The following PHACTR2 variants were observed in gnomAD, a reference collection of about 807,000 sequenced individuals.
PHACTR2 encodes chromosome 6 open reading frame 56.
PHACTR2 carries 30 observed loss-of-function variants against 76.0 expected under a neutral mutation model. The ratio of observed to expected loss-of-function variants is 0.39; its 90% confidence interval spans 0.30 to 0.54. The LOEUF (loss-of-function observed/expected upper bound fraction) is 0.54, where lower values mean the gene tolerates loss of function less well. Among genes scored for constraint, PHACTR2 ranks in the 20% least tolerant of loss-of-function variants. PHACTR2 has a pLI of 0.61. For synonymous variants in PHACTR2, 292 were observed against 292.5 expected (o/e 1.00, Z 0.02); for missense variants, 696 against 781.1 (o/e 0.89, Z 1.30).
rs1023347891 is a variant in PHACTR2 at position 143,698,886 on chromosome 6, T to G, written c.47-13130T>G. On this transcript the variant is annotated intron_variant, in intron 1 of 12. Coordinates refer to ENST00000440869, the MANE Select transcript of PHACTR2 (RefSeq NM_001100164.2). The surrounding 1 kb of genome is among the most constrained non-coding windows in gnomAD (Gnocchi z 4.3). The stretch of plus-strand genomic sequence containing the variant: ...ATTATTTTTGCAGATATCTCCTTCC[T>G]CCTCTCCCTTGGATTGTCCGAACCC... 6.6e-6 allele frequency among the ~76,000 whole-genome samples: 1 copy of G among 152,194 alleles called. No individual in the cohort carries two copies. Among genetic ancestry groups the G allele is most frequent in the Non-Finnish European group, 1.5e-5 (1 of 68,038 alleles).
At chr6:143,607,703 T>C (rs1032661485), upstream of PHACTR2, among the ~76,000 whole-genome samples, 10 of 152,192 alleles carry the variant, frequency 6.6e-5, no homozygotes, top group Admixed American at 3.3e-4. Context: ...AACAGAGATA[T>C]TAAAGATAGT....
rs1004781678 is a variant in PHACTR2, at chr6:143,793,725, A to G, written c.1845+4815A>G. ...AGCTCAGGAGTTTGAGACCAGCCTG[A>G]GCAATGTGGTGAAACTCTGCCTCTA... is the stretch of plus-strand genomic sequence containing the variant. On this transcript the variant is annotated intron_variant, in intron 11 of 12. Transcript: ENST00000440869. This position sits in a 1 kb window ranked among gnomAD's most constrained non-coding sequence, Gnocchi z 4.4. Among the ~76,000 whole-genome samples the G allele has an allele frequency of 1.9e-4, 29 of 151,970 alleles. No homozygotes were observed. Among genetic ancestry groups the G allele is most frequent in the Non-Finnish European group, 4.0e-4 (27 of 67,926 alleles).
At chr6:143,620,021 A>G (rs749042612) in intron 1 of PHACTR2, among the ~76,000 whole-genome samples, 1 of 152,188 alleles carries the variant, frequency 6.6e-6, no homozygotes, top group African/African-American at 2.4e-5. Context: ...CCTTAGGGTC[A>G]CTTTTTTAAG....
At position 143,646,211 on chromosome 6, in the gene PHACTR2, AAG is replaced by A. The variant is rs1776657442; in HGVS notation, c.13+37892_13+37893del. On this transcript the variant is annotated intron_variant, in intron 1 of 11. Coordinates refer to the PHACTR2 transcript ENST00000305766. This position sits in a 1 kb window ranked among gnomAD's most constrained non-coding sequence, Gnocchi z 4.1. ...AAATTAGGCTCAAATGGGGCCCACA[AAG>A]AGCCCCAAATCTAGGGTTTTATTTT... Among the ~76,000 whole-genome samples the A allele has an allele frequency of 1.3e-5, 2 of 152,280 alleles. No homozygotes were observed. Among genetic ancestry groups the A allele is most frequent in the South Asian group, 4.1e-4 (2 of 4,828 alleles).
At position 143,608,300 on chromosome 6, in the gene PHACTR2, C is replaced by T. The variant is rs1775913616; in HGVS notation, c.-10C>T. ...CCAGGCTACAGAACTCGCCTCGCCA[C>T]TCCTGAGACATGGACAACGCCGGTG... On this transcript the variant is annotated 5_prime_UTR_variant, in exon 1 of 12. Transcript: ENST00000305766. This position sits in a 1 kb window ranked among gnomAD's most constrained non-coding sequence, Gnocchi z 4.6. 6 of 1,614,056 alleles carry T rather than the reference C, an allele frequency of 3.7e-6. No homozygotes were observed. Among genetic ancestry groups the T allele is most frequent in the Non-Finnish European group, 5.1e-6 (6 of 1,179,998 alleles).
Position 143,608,399 on chromosome 6 carries a change from C to T in PHACTR2, c.13+77C>T. Reference sequence around the variant, plus strand: ...CGCATCCTTTACTGCGGAAGGTTTGCCTATTTGTTGCTCTCGTTTTGCACT... The same window carrying T: ...CGCATCCTTTACTGCGGAAGGTTTGTCTATTTGTTGCTCTCGTTTTGCACT... On this transcript the variant is annotated intron_variant, in intron 1 of 11. Transcript: ENST00000305766. The surrounding 1 kb of genome is among the most constrained non-coding windows in gnomAD (Gnocchi z 4.6). 3.4e-6 allele frequency: 5 copies of T among 1,473,932 alleles called. No individual in the cohort carries two copies. Among genetic ancestry groups the T allele is most frequent in the Non-Finnish European group, 4.7e-6 (5 of 1,054,664 alleles). The allele number at this position is 1,473,932 out of a possible 1,614,324, so 91.3% of individuals were successfully genotyped here. A position where few individuals can be genotyped will look rare whatever the true frequency, so the allele number is the denominator to read the frequency against.
Position 143,623,818 on chromosome 6 carries a change from C to T in PHACTR2, c.13+15496C>T, listed in dbSNP as rs576907453. On this transcript the variant is annotated intron_variant, in intron 1 of 11. Transcript: ENST00000305766. This position sits in a 1 kb window ranked among gnomAD's most constrained non-coding sequence, Gnocchi z 5.9. ...GGTTTTGTTTGTACAGTCATTGTGTCCTGCTTTAAAAGCCAATAAATTATG... is the reference window on the plus strand; with the variant it reads ...GGTTTTGTTTGTACAGTCATTGTGTTCTGCTTTAAAAGCCAATAAATTATG... Among the ~76,000 whole-genome samples the T allele has an allele frequency of 6.6e-6, 1 of 152,004 alleles. No individual in the cohort carries two copies. The highest frequency in any genetic ancestry group is 1.5e-5 in the Non-Finnish European group (1 of 68,008).
intron 1 of PHACTR2, among the ~76,000 whole-genome samples, chr6:143,660,290 A>G (rs1776926825): frequency 2.0e-5 from 3 of 152,154 alleles, no homozygotes; most frequent in Admixed American, 2.0e-4. Context: ...TACATGGCTA[A>G]GGAGGCCTCA....
intron 1 of PHACTR2, among the ~76,000 whole-genome samples, chr6:143,692,625 G>A (rs1466844274): frequency 1.3e-5 from 2 of 152,136 alleles, no homozygotes; most frequent in Non-Finnish European, 1.5e-5. Flanking sequence ...CAGAACACAC[G>A]TATACCTCAT....
intron 12 of PHACTR2, among the ~76,000 whole-genome samples, chr6:143,808,471 T>A (rs1248701040): frequency 6.6e-6 from 1 of 152,010 alleles, no homozygotes; most frequent in African/African-American, 2.4e-5. Context: ...ACCACAACAA[T>A]AAAAATAACA....
intron 3 of PHACTR2, among the ~76,000 whole-genome samples, chr6:143,752,554 G>T (rs1018855911): frequency 6.6e-6 from 1 of 152,096 alleles, no homozygotes; most frequent in African/African-American, 2.4e-5. Flanking sequence ...CTTAGTTATA[G>T]GTTATTGGGA....
chr6:143,576,385 A>C (rs1262870166), intron 1 of PHACTR2, among the ~76,000 whole-genome samples: 1 of 152,252 alleles, frequency 6.6e-6, no homozygotes, highest in African/African-American at 2.4e-5. Context: ...GAATTGCATT[A>C]ATTCAAAAAG....
intron 1 of PHACTR2, among the ~76,000 whole-genome samples, chr6:143,631,175 T>C (rs1776356923): frequency 6.6e-6 from 1 of 152,128 alleles, no homozygotes; most frequent in Admixed American, 6.5e-5. Flanking sequence ...TAGAAAGCAT[T>C]CTTTTTTATT....
At position 143,553,256 on chromosome 6, in the gene PHACTR2, T is replaced by G. The variant is rs150807816; in HGVS notation, c.217+16049T>G. Among the ~76,000 whole-genome samples the G allele has an allele frequency of 1.3e-5, 2 of 152,320 alleles. No individual in the cohort carries two copies. The highest frequency in any genetic ancestry group is 4.8e-5 in the African/African-American group (2 of 41,554). ...GGAAACTAAAGTGGCAAGGAGAGAT[T>G]TTAATGAGTGATAGACTATTGCTAT... On this transcript the variant is annotated intron_variant, in intron 1 of 11. Coordinates refer to the PHACTR2 transcript ENST00000367584. The surrounding 1 kb of genome is among the most constrained non-coding windows in gnomAD (Gnocchi z 4.2).
rs1036617487 is a variant in PHACTR2 at position 143,647,236 on chromosome 6, A to C, written c.13+38914A>C. 6.6e-6 allele frequency among the ~76,000 whole-genome samples: 1 copy of C among 152,212 alleles called. No homozygotes were observed. The highest frequency in any genetic ancestry group is 2.1e-4 in the South Asian group (1 of 4,826). ...CATCCCTTTCTGTGATGTAGATAAT[A>C]TTAGTCCTATTTTGCAGATGAGGAA... On this transcript the variant is annotated intron_variant, in intron 1 of 11. Transcript: ENST00000305766. The surrounding 1 kb of genome is among the most constrained non-coding windows in gnomAD (Gnocchi z 4.2).
Position 143,742,880 on chromosome 6 carries a change from G to A in PHACTR2, c.215-6105G>A, listed in dbSNP as rs1451843287. Among the ~76,000 whole-genome samples, 1 of 152,202 alleles carries A rather than the reference G, an allele frequency of 6.6e-6. No individual in the cohort carries two copies. The highest frequency in any genetic ancestry group is 2.4e-5 in the African/African-American group (1 of 41,444). On this transcript the variant is annotated intron_variant, in intron 2 of 12. Coordinates refer to ENST00000440869, the MANE Select transcript of PHACTR2 (RefSeq NM_001100164.2). This position sits in a 1 kb window ranked among gnomAD's most constrained non-coding sequence, Gnocchi z 4.5. ...ATCGCATACACATGAATTTAGTAATGAACAACTTAGTAAGTGCTATAACAG... is the reference window on the plus strand; with the variant it reads ...ATCGCATACACATGAATTTAGTAATAAACAACTTAGTAAGTGCTATAACAG...
chr6:143,755,101 A>G lies in PHACTR2; in HGVS notation c.454+1189A>G, dbSNP rs1272121233. On this transcript the variant is annotated intron_variant, in intron 4 of 12. Transcript: ENST00000440869. This position sits in a 1 kb window ranked among gnomAD's most constrained non-coding sequence, Gnocchi z 5.2. ...AAATGTATTATTTTGCTTTATTTCAAGGGCTTTATCTAGCCTTGTTCCATT... is the reference window on the plus strand; with the variant it reads ...AAATGTATTATTTTGCTTTATTTCAGGGGCTTTATCTAGCCTTGTTCCATT... Among the ~76,000 whole-genome samples, 1 of 152,240 alleles carries G rather than the reference A, an allele frequency of 6.6e-6. No individual in the cohort carries two copies. Among genetic ancestry groups the G allele is most frequent in the Admixed American group, 6.5e-5 (1 of 15,290 alleles).
rs1054632587 is a variant in PHACTR2 at position 143,722,421 on chromosome 6, T to A, written c.214+10238T>A. ...TCTTGAATTCAACTTTAAGATTCTC[T>A]TCAATAGGCCAATTTGGTGAGCATC... On this transcript the variant is annotated intron_variant, in intron 2 of 12. Transcript: ENST00000440869. The surrounding 1 kb of genome is among the most constrained non-coding windows in gnomAD (Gnocchi z 4.1). Among the ~76,000 whole-genome samples the A allele has an allele frequency of 6.6e-6, 1 of 152,172 alleles. No individual in the cohort carries two copies. The highest frequency in any genetic ancestry group is 1.5e-5 in the Non-Finnish European group (1 of 68,018).
chr6:143,678,271 C>A lies in PHACTR2; in HGVS notation c.46+62C>A. On this transcript the variant is annotated intron_variant, in intron 1 of 12. Transcript: ENST00000440869. This position sits in a 1 kb window ranked among gnomAD's most constrained non-coding sequence, Gnocchi z 6.2. The stretch of plus-strand genomic sequence containing the variant: ...CGGGCGCAGGGCTGGCGGCGGGGCC[C>A]CGGGGCAGGCAGGGTTAGTCGTCTG... 7.2e-7 allele frequency: 1 copy of A among 1,382,588 alleles called. No homozygotes were observed. The highest frequency in any genetic ancestry group is 1.7e-5 in the South Asian group (1 of 60,024). 85.6% of individuals were successfully genotyped at this position (1,382,588 alleles called of 1,614,324 possible). A position where few individuals can be genotyped will look rare whatever the true frequency, so the allele number is the denominator to read the frequency against.
Sources: gnomAD v4.1 joint callset for allele counts (sites outside exome capture counted in the v4.1 genomes callset) on GRCh38, gnomAD v4.1.1 for gene constraint, Gnocchi (gnomAD v3.1) non-coding constraint, MANE v1.5 for transcripts, NCBI Gene and HGNC (gene_info 2026-07-23, HGNC 2026-07-21) for gene names.